Variants in SGCZ observed in about 807,000 individuals in gnomAD.
SGCZ encodes zeta-sarcoglycan.
Under a neutral mutation model 41.3 loss-of-function variants are expected in SGCZ, and 40 were observed. The ratio of observed to expected loss-of-function variants is 0.97; its 90% CI spans 0.75 to 1.26. The LOEUF (loss-of-function observed/expected upper bound fraction) is 1.26. SGCZ is among the 50% of genes most tolerant of loss of function. The probability of loss-of-function intolerance (pLI) is 0.00; values close to 1 mark genes in which losing one functional copy is unlikely to be tolerated. For missense variants in SGCZ, 552 were observed against 369.8 expected (o/e 1.49, Z -4.04); for synonymous variants, 206 against 137.5 (o/e 1.50, Z -3.49).
intron 1 of SGCZ, among the ~76,000 whole-genome samples, chr8:14,650,541 G>C (rs952336047): frequency 6.6e-6 from 1 of 151,754 alleles, no homozygotes; most frequent in Non-Finnish European, 1.5e-5. Flanking sequence ...AGTGTCTGCT[G>C]TTTCCCTCTT....
intron 1 of SGCZ, among the ~76,000 whole-genome samples, chr8:15,053,672 G>A (rs573400864): frequency 4.8e-4 from 73 of 152,212 alleles, no homozygotes; most frequent in African/African-American, 1.7e-3. Flanking sequence ...CTTTATTTGG[G>A]GGGGTTGGGG....
At chr8:15,228,267 T>C (rs1801838877) in intron 1 of SGCZ, among the ~76,000 whole-genome samples, 1 of 152,184 alleles carries the variant, frequency 6.6e-6, no homozygotes, top group Non-Finnish European at 1.5e-5. Flanking sequence ...CAAAAATATG[T>C]TTAGCTTAAT....
chr8:14,966,652 A>G (rs1368768627), intron 1 of SGCZ, among the ~76,000 whole-genome samples: 1 of 152,114 alleles, frequency 6.6e-6, no homozygotes, highest in Non-Finnish European at 1.5e-5. Flanking sequence ...CCTTCTGTAA[A>G]AGCACCAGAT....
intron 7 of SGCZ, among the ~76,000 whole-genome samples, chr8:14,095,979 C>T (rs77135681): frequency 1.3e-5 from 2 of 152,108 alleles, no homozygotes; most frequent in Non-Finnish European, 2.9e-5. Flanking sequence ...GCTGAAGTTG[C>T]TTATCAGCTT....
At chr8:14,831,096 T>C (rs1330035476) in intron 1 of SGCZ, among the ~76,000 whole-genome samples, 4 of 152,170 alleles carry the variant, frequency 2.6e-5, no homozygotes, top group Non-Finnish European at 5.9e-5. Flanking sequence ...GGAAGTCATT[T>C]CTTCTGTAGC....
At chr8:14,366,070 T>C (rs1357142829) in intron 2 of SGCZ, among the ~76,000 whole-genome samples, 2 of 152,202 alleles carry the variant, frequency 1.3e-5, no homozygotes, top group Admixed American at 1.3e-4. Flanking sequence ...ACTTTGATCA[T>C]TTTTATCATA....
intron 4 of SGCZ, among the ~76,000 whole-genome samples, chr8:14,179,020 G>C (rs551664605): frequency 3.3e-5 from 5 of 152,254 alleles, no homozygotes; most frequent in African/African-American, 1.2e-4. Flanking sequence ...GAGTCCATAA[G>C]GTAATCAGGA....
At chr8:14,092,443 A>G (rs554756778) in intron 7 of SGCZ, among the ~76,000 whole-genome samples, 2 of 151,932 alleles carry the variant, frequency 1.3e-5, no homozygotes, top group Non-Finnish European at 2.9e-5. Flanking sequence ...AATACTCATA[A>G]AAGTGTGTGG....
chr8:14,190,987 G>A (rs898701828), intron 4 of SGCZ, among the ~76,000 whole-genome samples: 9 of 152,046 alleles, frequency 5.9e-5, no homozygotes, highest in Admixed American at 2.6e-4. Context: ...TTCCCTTTTC[G>A]TCACATCCTC....
At chr8:14,636,998 C>G (rs984807595) in intron 1 of SGCZ, among the ~76,000 whole-genome samples, 9 of 151,822 alleles carry the variant, frequency 5.9e-5, no homozygotes, top group Non-Finnish European at 8.8e-5. Context: ...ACACGACTCT[C>G]ATTTTAGTTT....
intron 3 of SGCZ, among the ~76,000 whole-genome samples, chr8:14,280,986 T>C (rs1800412123): frequency 6.6e-6 from 1 of 151,896 alleles, no homozygotes; most frequent in African/African-American, 2.4e-5. Flanking sequence ...TGAAATGAGG[T>C]TGATAGCATT....
chr8:14,648,406 T>C (rs1341175400), intron 1 of SGCZ, among the ~76,000 whole-genome samples: 1 of 152,080 alleles, frequency 6.6e-6, no homozygotes, highest in Non-Finnish European at 1.5e-5. Context: ...GTTTGAGTCA[T>C]TTCTCTTTAT....
chr8:15,030,784 G>T (rs1035473968), intron 1 of SGCZ, among the ~76,000 whole-genome samples: 1 of 152,092 alleles, frequency 6.6e-6, no homozygotes, highest in Non-Finnish European at 1.5e-5. Context: ...AAAACCAGAC[G>T]AAGGGATACT....
At chr8:14,314,555 T>C (rs1471102245) in intron 3 of SGCZ, among the ~76,000 whole-genome samples, 2 of 152,074 alleles carry the variant, frequency 1.3e-5, no homozygotes, top group Admixed American at 1.3e-4. Flanking sequence ...TGTCTAGCAT[T>C]AGGGATTAAG....
intron 7 of SGCZ, among the ~76,000 whole-genome samples, chr8:14,099,942 T>A (rs1801960841): frequency 1.7e-5 from 1 of 57,526 alleles, no homozygotes; most frequent in South Asian, 6.0e-4. Context: ...TTCTTCTACA[T>A]TTCATCCATC....
At chr8:14,608,087 G>A (rs1392037961) in intron 1 of SGCZ, among the ~76,000 whole-genome samples, 2 of 152,114 alleles carry the variant, frequency 1.3e-5, no homozygotes. Context: ...TATGTCCCTT[G>A]ATGACTTCCA....
At chr8:14,307,153 T>C (rs1801376031) in intron 3 of SGCZ, among the ~76,000 whole-genome samples, 1 of 152,192 alleles carries the variant, frequency 6.6e-6, no homozygotes, top group Admixed American at 6.5e-5. Context: ...GGGAATAAAG[T>C]AATGAATATC....
intron 2 of SGCZ, among the ~76,000 whole-genome samples, chr8:14,348,944 T>C (rs1207577731): frequency 2.0e-5 from 3 of 152,174 alleles, no homozygotes; most frequent in Non-Finnish European, 4.4e-5. Flanking sequence ...TTTTACAAAA[T>C]TTATTTACTG....
At chr8:14,635,054 ATAG>A (rs764292819) in intron 1 of SGCZ, among the ~76,000 whole-genome samples, 3 of 141,468 alleles carry the variant, frequency 2.1e-5, no homozygotes, top group Non-Finnish European at 4.7e-5. Context: ...TTATATTGAA[ATAG>A]TATTATAATT....
Sources: allele counts gnomAD v4.1 joint callset (sites outside exome capture counted in the v4.1 genomes callset), GRCh38; gene constraint gnomAD v4.1.1; transcripts MANE v1.5; gene names NCBI Gene and HGNC (gene_info 2026-07-23, HGNC 2026-07-21).